The following ZNF704 variants were observed in gnomAD, a reference collection of about 807,000 sequenced individuals.
ZNF704 encodes glucocorticoid induced gene 1.
A neutral mutation model predicts 44.7 loss-of-function variants in ZNF704; 10 were observed. The ratio of observed to expected loss-of-function variants is 0.22; its 90% confidence interval spans 0.14 to 0.38. ZNF704 has a LOEUF of 0.38. Ranked by LOEUF, ZNF704 falls within the 10% of genes least tolerant of loss-of-function variation. The pLI is 1.00. For missense variants in ZNF704, 390 were observed against 545.5 expected (o/e 0.71, Z 2.84); for synonymous variants, 211 against 207.6 (o/e 1.02, Z -0.14).
chr8:80,872,731 A>G (rs974994840), intron 1 of ZNF704, among the ~76,000 whole-genome samples: 5 of 152,176 alleles, frequency 3.3e-5, no homozygotes, highest in African/African-American at 1.2e-4. Flanking sequence ...TTATCTCCTG[A>G]AGATACACAA....
chr8:80,783,731 C>T (rs548571898), intron 2 of ZNF704, among the ~76,000 whole-genome samples: 35 of 152,254 alleles, frequency 2.3e-4, no homozygotes, highest in African/African-American at 8.2e-4. Flanking sequence ...GATGAACCTA[C>T]ACTGAGACAT....
intron 2 of ZNF704, among the ~76,000 whole-genome samples, chr8:80,737,814 A>C (rs2131688404): frequency 6.6e-6 from 1 of 152,236 alleles, no homozygotes; most frequent in East Asian, 1.9e-4. Context: ...TTACTGTGGT[A>C]CATTGTGAAA....
chr8:80,869,261 C>T (rs1413010181), intron 1 of ZNF704, among the ~76,000 whole-genome samples: 1 of 152,196 alleles, frequency 6.6e-6, no homozygotes, highest in African/African-American at 2.4e-5. Flanking sequence ...ATCACATACC[C>T]AGACAGACTA....
intron 2 of ZNF704, among the ~76,000 whole-genome samples, chr8:80,759,985 G>C (rs1223815149): frequency 6.6e-6 from 1 of 151,898 alleles, no homozygotes; most frequent in Non-Finnish European, 1.5e-5. Flanking sequence ...TTGAATGCCT[G>C]GCTTCAAGTG....
chr8:80,804,392 C>T (rs1281671887), intron 2 of ZNF704, among the ~76,000 whole-genome samples: 2 of 152,142 alleles, frequency 1.3e-5, no homozygotes, highest in African/African-American at 4.8e-5. Context: ...CACTGAAGCA[C>T]TATTCACAAT....
At chr8:80,756,188 A>T (rs573527454) in intron 2 of ZNF704, among the ~76,000 whole-genome samples, 4 of 152,148 alleles carry the variant, frequency 2.6e-5, no homozygotes, top group East Asian at 3.9e-4. Flanking sequence ...CCAGAAACCC[A>T]AGTCTTTTAG....
Position 80,840,036 on chromosome 8 carries a change from C to T in ZNF704, c.-21-18421G>A, listed in dbSNP as rs74598937. Among the ~76,000 whole-genome samples the T allele has an allele frequency of 4.3e-4, 66 of 152,330 alleles. No individual in the cohort carries two copies. In the East Asian group the frequency reaches 0.012, roughly 28 times the overall value. The stretch of plus-strand genomic sequence containing the variant: ...TTTGCTCAGTTTTGAATCCCAGGCA[C>T]CTGCTATATTTTTACCTGGCACATA... On this transcript the variant is annotated intron_variant, in intron 1 of 8. Coordinates refer to ENST00000327835, the MANE Select transcript of ZNF704 (RefSeq NM_001033723.3).
At chr8:80,864,371 A>G (rs186904984) in intron 1 of ZNF704, among the ~76,000 whole-genome samples, 10 of 152,320 alleles carry the variant, frequency 6.6e-5, no homozygotes, top group African/African-American at 2.2e-4. Context: ...TGCTCTAGAA[A>G]AAAGTCCAAC....
intron 4 of ZNF704, among the ~76,000 whole-genome samples, chr8:80,682,125 T>C (rs780818157): frequency 1.3e-5 from 2 of 152,132 alleles, no homozygotes; most frequent in Non-Finnish European, 2.9e-5. Flanking sequence ...TCAAAATTAG[T>C]GGGTTAGGAA....
chr8:80,868,114 T>C (rs1809188844), intron 1 of ZNF704, among the ~76,000 whole-genome samples: 1 of 152,226 alleles, frequency 6.6e-6, no homozygotes, highest in African/African-American at 2.4e-5. Flanking sequence ...ATCCTTCTTA[T>C]GTTTGACAGT....
chr8:80,784,423 G>A (rs1250273110), intron 2 of ZNF704, among the ~76,000 whole-genome samples: 1 of 152,138 alleles, frequency 6.6e-6, no homozygotes, highest in Non-Finnish European at 1.5e-5. Flanking sequence ...TTCCTCATCA[G>A]CATTTGGTGT....
chr8:80,762,820 G>A (rs371321738), intron 2 of ZNF704, among the ~76,000 whole-genome samples: 1 of 152,276 alleles, frequency 6.6e-6, no homozygotes, highest in East Asian at 1.9e-4. Context: ...CCTATCAAAA[G>A]CAAGTTAGTT....
At chr8:80,675,012 A>G (rs1310287529) in intron 4 of ZNF704, among the ~76,000 whole-genome samples, 2 of 152,236 alleles carry the variant, frequency 1.3e-5, no homozygotes, top group East Asian at 1.9e-4. Flanking sequence ...CCAAATATCT[A>G]TTTAGCAAGG....
At chr8:80,799,206 T>C (rs1246370163) in intron 2 of ZNF704, among the ~76,000 whole-genome samples, 1 of 152,236 alleles carries the variant, frequency 6.6e-6, no homozygotes, top group Non-Finnish European at 1.5e-5. Context: ...TGGAAATTAC[T>C]GTTAATATTT....
intron 7 of ZNF704, among the ~76,000 whole-genome samples, chr8:80,655,525 G>T (rs1241945509): frequency 1.3e-5 from 2 of 152,160 alleles, no homozygotes; most frequent in Non-Finnish European, 2.9e-5. Flanking sequence ...CACAGTAAAG[G>T]CAGCAATGAT....
At chr8:80,653,299 G>C (rs1427826518) in intron 7 of ZNF704, among the ~76,000 whole-genome samples, 3 of 152,124 alleles carry the variant, frequency 2.0e-5, no homozygotes, top group African/African-American at 7.2e-5. Flanking sequence ...ATTCAACATA[G>C]TGTTGGAAGT....
At chr8:80,722,001 C>A (rs1055556019) in intron 2 of ZNF704, among the ~76,000 whole-genome samples, 36 of 152,264 alleles carry the variant, frequency 2.4e-4, no homozygotes, top group Admixed American at 2.1e-3. Flanking sequence ...CTTTGGGAGG[C>A]AGAGGTAGAA....
At chr8:80,648,823 G>A (rs553926327) in intron 7 of ZNF704, among the ~76,000 whole-genome samples, 9 of 152,184 alleles carry the variant, frequency 5.9e-5, no homozygotes, top group Non-Finnish European at 1.2e-4. Flanking sequence ...AGTCCACACA[G>A]TAAATGGACT....
At chr8:80,752,211 A>G (rs893829835) in intron 2 of ZNF704, among the ~76,000 whole-genome samples, 2 of 152,226 alleles carry the variant, frequency 1.3e-5, no homozygotes, top group Non-Finnish European at 2.9e-5. Flanking sequence ...ACTACTTTGC[A>G]GTATTTCCTT....
Sources: gnomAD v4.1 joint callset for allele counts (sites outside exome capture counted in the v4.1 genomes callset) on GRCh38, gnomAD v4.1.1 for gene constraint, MANE v1.5 for transcripts, NCBI Gene and HGNC (gene_info 2026-07-23, HGNC 2026-07-21) for gene names.